The following OAS1 variants were observed in gnomAD, a reference collection of about 807,000 sequenced individuals.
OAS1 encodes 2'-5'-oligoadenylate synthetase 1, also known as 2'-5'-oligoadenylate synthase 1.
A neutral mutation model predicts 38.5 loss-of-function variants in OAS1; 24 were observed. The ratio of observed to expected loss-of-function variants is 0.62; its 90% confidence interval spans 0.45 to 0.88. The LOEUF (loss-of-function observed/expected upper bound fraction) is 0.88. Among genes scored for constraint, OAS1 ranks in the 40% least tolerant of loss-of-function variants. The pLI is 0.00. For missense variants in OAS1, 482 were observed against 493.9 expected (o/e 0.98, Z 0.23); for synonymous variants, 169 against 193.9 (o/e 0.87, Z 1.07).
intron 4 of OAS1, 79 bp downstream of exon 4, chr12:112,916,817 A>G (rs777964252): frequency 1.8e-5 from 20 of 1,091,424 alleles, no homozygotes; most frequent in Non-Finnish European, 2.8e-5. Flanking sequence ...GAAATGGAGG[A>G]GGTGGGAGGG....
chr12:112,920,354 GTATA>G (rs1447735751), downstream of OAS1, among the ~76,000 whole-genome samples: 2 of 152,172 alleles, frequency 1.3e-5, no homozygotes, highest in African/African-American at 2.4e-5. Context: ...TGAGTGCAAG[GTATA>G]TACTTGGTTT....
In OAS1 at chr12:112,909,794, C is replaced by A. The variant is rs557401543; in HGVS notation, c.469+970C>A. Among the ~76,000 whole-genome samples, 295 of 152,286 alleles carry A rather than the reference C, an allele frequency of 1.9e-3. 1 individual carries two copies. Among genetic ancestry groups the A allele is most frequent in the African/African-American group, 6.9e-3 (288 of 41,542 alleles). ...AGATTTTAATTTTTTGAGGGAAATG[C>A]GATGACATCTGTCACACACCGCACA... On this transcript the variant is annotated intron_variant, in intron 2 of 5. Coordinates refer to ENST00000202917, the MANE Select transcript of OAS1 (RefSeq NM_016816.4).
In OAS1 at chr12:112,916,578, C is replaced by A; in HGVS notation, c.724C>A (p.Arg242=). The change falls in exon 4 of 6, where the codon CGA becomes AGA. Residue 242 remains arginine, a synonymous_variant. Coordinates refer to ENST00000202917, the MANE Select transcript of OAS1 (RefSeq NM_016816.4). ...LELLTVYAWE[R]GSMKTHFNTA... is the part of the protein sequence containing the mutation. ...GCTCCTGACGGTCTATGCTTGGGAGCGAGGGAGCATGAAAACACATTTCAA... is the reference window on the plus strand; with the variant it reads ...GCTCCTGACGGTCTATGCTTGGGAGAGAGGGAGCATGAAAACACATTTCAA... 1 of 1,614,042 alleles carries A rather than the reference C, an allele frequency of 6.2e-7. No homozygotes were observed. The highest frequency in any genetic ancestry group is 8.5e-7 in the Non-Finnish European group (1 of 1,180,012).
At chr12:112,930,306 T>C (rs994921162) in intron 6 of OAS1, among the ~76,000 whole-genome samples, 19 of 152,236 alleles carry the variant, frequency 1.2e-4, no homozygotes, top group African/African-American at 4.6e-4. Context: ...TCTTTATAAA[T>C]TACCCAGTCT....
intron 6 of OAS1, chr12:112,931,738 C>G (rs146323033): frequency 3.4e-5 from 18 of 524,354 alleles, no homozygotes; most frequent in Middle Eastern, 4.3e-4. Context: ...TGGGACTGCA[C>G]AGCAAATCAA....
At chr12:112,918,418 A>C (rs1361428875) in intron 5 of OAS1, 1 of 291,966 alleles carries the variant, frequency 3.4e-6, no homozygotes, top group African/African-American at 2.2e-5. Flanking sequence ...TGATTCCATG[A>C]CTTTGCTATT....
chr12:112,907,458 C>T (rs2043313091), intron 1 of OAS1, among the ~76,000 whole-genome samples: 1 of 152,214 alleles, frequency 6.6e-6, no homozygotes, highest in Non-Finnish European at 1.5e-5. Context: ...CCCCCTACTT[C>T]CCGCTGAAGT....
chr12:112,907,310 A>C, intron 1 of OAS1, 91 bp downstream of exon 1: 1 of 1,328,038 alleles, frequency 7.5e-7, no homozygotes. Flanking sequence ...GAGAAGCAAA[A>C]ACCTAGAACC....
intron 3 of OAS1, among the ~76,000 whole-genome samples, chr12:112,911,934 A>G (rs2043388531): frequency 6.6e-6 from 1 of 152,260 alleles, no homozygotes; most frequent in African/African-American, 2.4e-5. Context: ...TCTGTAAGTT[A>G]GATAAGGTTA....
At chr12:112,928,657 A>G (rs1414703857) in intron 6 of OAS1, among the ~76,000 whole-genome samples, 2 of 152,238 alleles carry the variant, frequency 1.3e-5, no homozygotes, top group African/African-American at 4.8e-5. Context: ...GCGAGTAAAC[A>G]GAGACACATG....
chr12:112,908,201 C>T (rs372588838), intron 1 of OAS1, among the ~76,000 whole-genome samples: 38 of 152,268 alleles, frequency 2.5e-4, no homozygotes, highest in South Asian at 2.3e-3. Flanking sequence ...AACCACCCAG[C>T]ATAAGCTAGT....
chr12:112,915,872 G>T (rs2043447701), intron 3 of OAS1, among the ~76,000 whole-genome samples: 1 of 152,126 alleles, frequency 6.6e-6, no homozygotes, highest in African/African-American at 2.4e-5. Context: ...AGCATTTAAA[G>T]TTTGTAGGTT....
downstream of OAS1, among the ~76,000 whole-genome samples, chr12:112,923,674 C>G (rs2043543613): frequency 6.6e-6 from 1 of 152,082 alleles, no homozygotes; most frequent in African/African-American, 2.4e-5. Flanking sequence ...TCTTTTCAGC[C>G]CGTTGATTGT....
At chr12:112,913,663 T>C (rs1272562919) in intron 3 of OAS1, among the ~76,000 whole-genome samples, 2 of 152,208 alleles carry the variant, frequency 1.3e-5, no homozygotes, top group Non-Finnish European at 2.9e-5. Flanking sequence ...ATTTTTATCC[T>C]AAAATTTCTA....
intron 6 of OAS1, chr12:112,931,794 T>C: frequency 1.6e-6 from 1 of 606,906 alleles, no homozygotes; most frequent in Non-Finnish European, 2.9e-6. Context: ...TGGAGATGCT[T>C]CTATAGGCTT....
At chr12:112,909,822 C>T (rs969209243) in intron 2 of OAS1, among the ~76,000 whole-genome samples, 5 of 152,206 alleles carry the variant, frequency 3.3e-5, no homozygotes, top group African/African-American at 4.8e-5. Flanking sequence ...ACCGCACAAA[C>T]GGCTACTATT....
At chr12:112,909,078 C>G in intron 2 of OAS1, 1 of 427,818 alleles carries the variant, frequency 2.3e-6, no homozygotes, top group South Asian at 9.3e-5. Flanking sequence ...CTGTTTAAGG[C>G]AAAATGTGTG....
At chr12:112,919,030 C>T (rs527669195) in intron 5 of OAS1, 52 of 284,808 alleles carry the variant, frequency 1.8e-4, no homozygotes, top group South Asian at 8.1e-5. Flanking sequence ...GGATGCAGAG[C>T]GAATGCCAGT....
intron 6 of OAS1, among the ~76,000 whole-genome samples, chr12:112,927,165 C>T (rs2043564977): frequency 6.6e-6 from 1 of 152,124 alleles, no homozygotes; most frequent in African/African-American, 2.4e-5. Flanking sequence ...ATCACAGGGT[C>T]CTGAGGCAAC....
Sources: gnomAD v4.1 joint callset for allele counts (sites outside exome capture counted in the v4.1 genomes callset) on GRCh38, gnomAD v4.1.1 for gene constraint, MANE v1.5 for transcripts, NCBI Gene and HGNC (gene_info 2026-07-23, HGNC 2026-07-21) for gene names.